Variants in PRELID2 observed in about 807,000 individuals in gnomAD.
PRELID2 encodes the protein PRELI domain containing 2.
Under a neutral mutation model 28.4 loss-of-function variants are expected in PRELID2, and 25 were observed. That is an observed-to-expected ratio of 0.88 (90% CI 0.64 to 1.23). PRELID2 has a LOEUF of 1.23. Among genes scored for constraint, PRELID2 ranks in the 50% most tolerant of loss-of-function variants. The pLI is 0.00. For missense variants in PRELID2, 201 were observed against 214.4 expected (o/e 0.94, Z 0.39); for synonymous variants, 76 against 71.6 (o/e 1.06, Z -0.31).
chr5:145,505,514 G>C (rs746869357), intron 1 of PRELID2, among the ~76,000 whole-genome samples: 2 of 151,876 alleles, frequency 1.3e-5, no homozygotes, highest in Non-Finnish European at 2.9e-5. Context: ...TTTTGTTCTT[G>C]ACAAACTATA....
intron 1 of PRELID2, among the ~76,000 whole-genome samples, chr5:145,525,182 T>TTAAA (rs1462123815): frequency 1.3e-5 from 2 of 152,152 alleles, no homozygotes; most frequent in African/African-American, 4.8e-5. Flanking sequence ...GTTAAGTGAT[T>TTAAA]TGCCCAACAT....
At chr5:145,530,364 C>T (rs1752644197) in intron 1 of PRELID2, among the ~76,000 whole-genome samples, 1 of 152,108 alleles carries the variant, frequency 6.6e-6, no homozygotes, top group South Asian at 2.1e-4. Context: ...TCATTACAAA[C>T]TCATGAGAAA....
chr5:145,624,700 A>G (rs949028895), intron 1 of PRELID2, among the ~76,000 whole-genome samples: 1 of 152,158 alleles, frequency 6.6e-6, no homozygotes, highest in African/African-American at 2.4e-5. Flanking sequence ...TCAAAACAAC[A>G]CACTAAAAGC....
the PRELID2 span, among the ~76,000 whole-genome samples, chr5:145,451,277 C>T: frequency 2.0e-5 from 3 of 152,150 alleles, no homozygotes; most frequent in African/African-American, 7.2e-5. Context: ...CATGTGTCCT[C>T]ACCACTCCAA....
At chr5:145,624,172 G>A (rs2149653959) in intron 1 of PRELID2, among the ~76,000 whole-genome samples, 1 of 152,300 alleles carries the variant, frequency 6.6e-6, no homozygotes, top group Non-Finnish European at 1.5e-5. Flanking sequence ...CGGCTTCTCA[G>A]AGCATACCAC....
At chr5:145,367,409 C>T in the PRELID2 span, among the ~76,000 whole-genome samples, 1 of 151,846 alleles carries the variant, frequency 6.6e-6, no homozygotes, top group African/African-American at 2.4e-5. Context: ...TAACATTCCC[C>T]ACAACAGCTA....
chr5:145,518,484 C>T (rs1752538345), intron 1 of PRELID2, among the ~76,000 whole-genome samples: 1 of 152,156 alleles, frequency 6.6e-6, no homozygotes, highest in South Asian at 2.1e-4. Context: ...AGGCGTGAAC[C>T]ACCACGCCCG....
intron 1 of PRELID2, among the ~76,000 whole-genome samples, chr5:145,572,814 C>T (rs1355320059): frequency 1.3e-5 from 2 of 152,120 alleles, no homozygotes; most frequent in Non-Finnish European, 2.9e-5. Context: ...GAGGTATTCC[C>T]ATTCGGTCTG....
chr5:145,329,324 G>A, the PRELID2 span, among the ~76,000 whole-genome samples: 1 of 152,110 alleles, frequency 6.6e-6, no homozygotes, highest in East Asian at 1.9e-4. Context: ...AAGAAAGTCA[G>A]TGGTAGCTTA....
At chr5:145,303,490 G>A in the PRELID2 span, among the ~76,000 whole-genome samples, 2 of 152,080 alleles carry the variant, frequency 1.3e-5, no homozygotes, top group Non-Finnish European at 2.9e-5. Flanking sequence ...TGGTGCCCTG[G>A]GATCACATCT....
intron 1 of PRELID2, among the ~76,000 whole-genome samples, chr5:145,652,658 T>C (rs1279101945): frequency 3.3e-5 from 5 of 152,180 alleles, no homozygotes; most frequent in Non-Finnish European, 1.5e-5. Context: ...CTAAGCTTCA[T>C]AAGTGAAGGA....
At chr5:145,549,101 T>C (rs1443574378) in intron 1 of PRELID2, among the ~76,000 whole-genome samples, 3 of 152,192 alleles carry the variant, frequency 2.0e-5, no homozygotes, top group Non-Finnish European at 4.4e-5. Context: ...TGAGCTCCCC[T>C]ACAGATGTGA....
the PRELID2 span, chr5:145,229,791 T>C: frequency 1.3e-6 from 1 of 757,964 alleles, no homozygotes; most frequent in South Asian, 1.3e-5. Flanking sequence ...CACCAGTTTC[T>C]GACATAGCCC....
chr5:145,544,197 TATG>T (rs1752767670), intron 1 of PRELID2, among the ~76,000 whole-genome samples: 1 of 152,086 alleles, frequency 6.6e-6, no homozygotes, highest in African/African-American at 2.4e-5. Context: ...CCATGTCCAC[TATG>T]ATAAGGACCC....
chr5:145,409,527 A>G, the PRELID2 span, among the ~76,000 whole-genome samples: 1 of 152,288 alleles, frequency 6.6e-6, no homozygotes, highest in East Asian at 1.9e-4. Context: ...GGGGTGGAAA[A>G]AGATAGTCCA....
the PRELID2 span, among the ~76,000 whole-genome samples, chr5:145,323,333 A>G: frequency 6.6e-6 from 1 of 152,244 alleles, no homozygotes; most frequent in African/African-American, 2.4e-5. Context: ...GTAAGAAGGT[A>G]GAACAATGGG....
intron 1 of PRELID2, chr5:145,834,920 C>G (rs1176682984): frequency 2.4e-6 from 1 of 408,336 alleles, no homozygotes; most frequent in Non-Finnish European, 4.4e-6. Flanking sequence ...GCTGGGATTC[C>G]CGGAGGCTCT....
At chr5:145,566,717 G>T (rs1393803997) in intron 1 of PRELID2, among the ~76,000 whole-genome samples, 1 of 151,870 alleles carries the variant, frequency 6.6e-6, no homozygotes, top group Non-Finnish European at 1.5e-5. Context: ...GTGTGCACCT[G>T]TAATCCCAGC....
chr5:145,258,075 T>C, the PRELID2 span, among the ~76,000 whole-genome samples: 1 of 152,218 alleles, frequency 6.6e-6, no homozygotes, highest in African/African-American at 2.4e-5. Flanking sequence ...CCTTCCATAA[T>C]TAGAAGCTTC....
Sources: gnomAD v4.1 joint callset for allele counts (sites outside exome capture counted in the v4.1 genomes callset) on GRCh38, gnomAD v4.1.1 for gene constraint, MANE v1.5 for transcripts, NCBI Gene and HGNC (gene_info 2026-07-23, HGNC 2026-07-21) for gene names.